The following MSRA variants were observed in gnomAD, a reference collection of about 807,000 sequenced individuals.
MSRA encodes the protein mitochondrial peptide methionine sulfoxide reductase.
Under a neutral mutation model 31.3 loss-of-function variants are expected in MSRA, and 54 were observed. That is an observed-to-expected ratio of 1.73 (90% CI 1.39 to 2.17). The LOEUF (loss-of-function observed/expected upper bound fraction) is 2.17. Among genes scored for constraint, MSRA ranks in the 30% most tolerant of loss-of-function variants. MSRA has a pLI of 0.00. For missense variants in MSRA, 507 were observed against 300.9 expected (o/e 1.69, Z -5.07); for synonymous variants, 169 against 116.5 (o/e 1.45, Z -2.90).
Position 10,088,006 on chromosome 8 carries a change from C to T in MSRA, c.142+33348C>T, listed in dbSNP as rs550053950. On this transcript the variant is annotated intron_variant, in intron 1 of 5. Coordinates refer to ENST00000317173, the MANE Select transcript of MSRA (RefSeq NM_012331.5). Reference sequence around the variant, plus strand: ...TTAATGCAGGGGTGATCTAGGACCTCACCTGCTTATCATTTCTTTGTCCTT... The same window carrying T: ...TTAATGCAGGGGTGATCTAGGACCTTACCTGCTTATCATTTCTTTGTCCTT... Among the ~76,000 whole-genome samples the T allele has an allele frequency of 2.6e-5, 4 of 152,296 alleles. No individual in the cohort carries two copies. The East Asian group carries it at 5.8e-4, about 22-fold the overall frequency.
intron 5 of MSRA, among the ~76,000 whole-genome samples, chr8:10,370,280 T>C (rs530043084): frequency 6.6e-5 from 10 of 152,300 alleles, no homozygotes; most frequent in African/African-American, 2.2e-4. Flanking sequence ...GAACTTAGAT[T>C]CCTTCCTTAG....
At chr8:10,283,864 C>G (rs1008438389) in intron 3 of MSRA, among the ~76,000 whole-genome samples, 1 of 139,800 alleles carries the variant, frequency 7.2e-6, no homozygotes, top group Admixed American at 7.2e-5. Flanking sequence ...CACACACACA[C>G]ACACATATAT....
At chr8:10,398,023 T>C (rs1346465675) in intron 5 of MSRA, among the ~76,000 whole-genome samples, 1 of 152,196 alleles carries the variant, frequency 6.6e-6, no homozygotes, top group African/African-American at 2.4e-5. Context: ...GTAAAGAAGA[T>C]TGGCTTTAAT....
At chr8:10,093,100 C>G (rs1798938645) in intron 1 of MSRA, among the ~76,000 whole-genome samples, 1 of 152,104 alleles carries the variant, frequency 6.6e-6, no homozygotes, top group Admixed American at 6.5e-5. Context: ...CTTTTGTAGA[C>G]AGCATATAGT....
chr8:10,077,125 C>T (rs1250400849), intron 1 of MSRA, among the ~76,000 whole-genome samples: 1 of 151,114 alleles, frequency 6.6e-6, no homozygotes, highest in Non-Finnish European at 1.5e-5. Context: ...AAAAAGAGTA[C>T]TCAGGAAACC....
intron 5 of MSRA, among the ~76,000 whole-genome samples, chr8:10,359,723 G>A (rs981138129): frequency 6.6e-6 from 1 of 151,898 alleles, no homozygotes; most frequent in Non-Finnish European, 1.5e-5. Context: ...ATGGAGGATG[G>A]TCTCAGATGG....
intron 5 of MSRA, among the ~76,000 whole-genome samples, chr8:10,383,699 G>C (rs567524551): frequency 6.6e-6 from 1 of 152,074 alleles, no homozygotes; most frequent in African/African-American, 2.4e-5. Flanking sequence ...ACCCCAAATC[G>C]GATCGCTTTC....
chr8:10,138,395 A>C (rs1406992521), intron 1 of MSRA, among the ~76,000 whole-genome samples: 1 of 152,216 alleles, frequency 6.6e-6, no homozygotes, highest in Non-Finnish European at 1.5e-5. Flanking sequence ...GGCCCAAGGC[A>C]GGGCAGAATC....
At chr8:10,246,207 C>A (rs911853271) in intron 3 of MSRA, among the ~76,000 whole-genome samples, 1 of 152,164 alleles carries the variant, frequency 6.6e-6, no homozygotes, top group Non-Finnish European at 1.5e-5. Context: ...TTGCAACCAA[C>A]TATGTGGTCT....
At chr8:10,340,373 T>TTATC (rs1232023783) in intron 5 of MSRA, among the ~76,000 whole-genome samples, 3 of 152,214 alleles carry the variant, frequency 2.0e-5, no homozygotes, top group Admixed American at 6.5e-5. Context: ...TTAGGAGTTA[T>TTATC]TATCTATCTA....
intron 2 of MSRA, among the ~76,000 whole-genome samples, chr8:10,240,194 G>A (rs375455723): frequency 1.3e-5 from 2 of 152,172 alleles, no homozygotes; most frequent in South Asian, 2.1e-4. Context: ...GAAGGGGCCC[G>A]GTGTAATCCT....
At chr8:10,332,549 T>G (rs1802769752) in intron 5 of MSRA, among the ~76,000 whole-genome samples, 1 of 151,902 alleles carries the variant, frequency 6.6e-6, no homozygotes, top group African/African-American at 2.4e-5. Flanking sequence ...TTATGAACTC[T>G]AAATAAGAAC....
intron 5 of MSRA, among the ~76,000 whole-genome samples, chr8:10,354,704 A>G (rs550509957): frequency 9.3e-4 from 140 of 149,766 alleles, no homozygotes; most frequent in Non-Finnish European, 1.5e-3. Context: ...TATTCATTTC[A>G]TGAATATCTT....
chr8:10,150,109 C>G (rs78276517), intron 1 of MSRA, among the ~76,000 whole-genome samples: 8 of 151,660 alleles, frequency 5.3e-5, no homozygotes, highest in African/African-American at 1.7e-4. Flanking sequence ...ACAGGAATGC[C>G]GAGAGCTGAC....
intron 1 of MSRA, among the ~76,000 whole-genome samples, chr8:10,129,434 G>A (rs902348042): frequency 6.6e-6 from 1 of 152,130 alleles, no homozygotes; most frequent in Non-Finnish European, 1.5e-5. Context: ...ATAAAGTGAT[G>A]AGGTGAAATA....
intron 5 of MSRA, among the ~76,000 whole-genome samples, chr8:10,426,931 C>G (rs750093248): frequency 2.6e-5 from 4 of 151,906 alleles, no homozygotes; most frequent in Admixed American, 6.5e-5. Flanking sequence ...GTCTAACCCA[C>G]CCGTCTTGGC....
At chr8:10,403,390 C>T (rs550865913) in intron 5 of MSRA, among the ~76,000 whole-genome samples, 63 of 152,284 alleles carry the variant, frequency 4.1e-4, no homozygotes, top group South Asian at 8.3e-4. Context: ...CATGCTCATG[C>T]CATACTTGCT....
At chr8:10,098,310 T>A (rs1799309046) in intron 1 of MSRA, among the ~76,000 whole-genome samples, 1 of 152,172 alleles carries the variant, frequency 6.6e-6, no homozygotes, top group Non-Finnish European at 1.5e-5. Flanking sequence ...CAGAAATGCG[T>A]TAATATTTAA....
At chr8:10,188,834 A>G (rs1807278994) in intron 1 of MSRA, among the ~76,000 whole-genome samples, 1 of 152,198 alleles carries the variant, frequency 6.6e-6, no homozygotes, top group African/African-American at 2.4e-5. Context: ...GATAGTTCCA[A>G]ATTGTTTTTG....
Sources: allele counts gnomAD v4.1 joint callset (sites outside exome capture counted in the v4.1 genomes callset), GRCh38; gene constraint gnomAD v4.1.1; transcripts MANE v1.5; gene names NCBI Gene and HGNC (gene_info 2026-07-23, HGNC 2026-07-21).